The following AGBL1 variants were observed in gnomAD, a reference collection of about 807,000 sequenced individuals.
AGBL1 encodes cytosolic carboxypeptidase 4.
AGBL1 carries 130 observed loss-of-function variants against 118.9 expected under a neutral mutation model. The ratio of observed to expected loss-of-function variants is 1.09; its 90% CI spans 0.95 to 1.26. AGBL1 has a LOEUF of 1.26. AGBL1 is among the 50% of genes most tolerant of loss of function. AGBL1 has a pLI of 0.00. For missense variants in AGBL1, 1,584 were observed against 1,298.1 expected (o/e 1.22, Z -3.38); for synonymous variants, 555 against 478.9 (o/e 1.16, Z -2.08).
chr15:86,618,715 T>G (rs8036000), intron 21 of AGBL1, among the ~76,000 whole-genome samples: 2,560 of 152,254 alleles, frequency 0.017, 66 homozygotes, highest in African/African-American at 0.049. Context: ...TAGACTCCCA[T>G]CCTTACTGCA....
chr15:87,006,655 C>G (rs943948984), intron 24 of AGBL1, among the ~76,000 whole-genome samples: 2 of 152,170 alleles, frequency 1.3e-5, no homozygotes, highest in African/African-American at 4.8e-5. Flanking sequence ...GAGGCAATGC[C>G]TCACCCTGCT....
Position 86,262,766 on chromosome 15 carries a change from A to G in AGBL1, c.970-12A>G, listed in dbSNP as rs1252993857. The G allele has an allele frequency of 6.4e-7, 1 of 1,554,968 alleles. No individual in the cohort carries two copies. The highest frequency in any genetic ancestry group is 8.8e-7 in the Non-Finnish European group (1 of 1,133,412). ...CCTGACTGTAATCTCTTCTATGACT[A>G]TTCCATTTTAGGATGATGACTTGGA... On this transcript the variant is annotated splice_polypyrimidine_tract_variant and intron_variant, in intron 9 of 22. Transcript: ENST00000614907.
intron 1 of AGBL1, chr15:86,088,174 A>G (rs1306025472): frequency 1.3e-5 from 2 of 152,294 alleles, no homozygotes; most frequent in Admixed American, 1.3e-4. Context: ...CCCACAGGCC[A>G]TAGTTTGTTA....
chr15:86,921,029 T>C (rs1314968156), downstream of AGBL1, among the ~76,000 whole-genome samples: 1 of 152,288 alleles, frequency 6.6e-6, no homozygotes, highest in Non-Finnish European at 1.5e-5. Flanking sequence ...CACTTAGACC[T>C]GACCTCCCCA....
chr15:86,957,968 A>C (rs1246717409), intron 23 of AGBL1, among the ~76,000 whole-genome samples: 13 of 152,080 alleles, frequency 8.5e-5, no homozygotes, highest in Admixed American at 5.2e-4. Flanking sequence ...TTTAGAGGCC[A>C]AGGCAGAAGG....
intron 23 of AGBL1, among the ~76,000 whole-genome samples, chr15:86,983,943 G>C (rs1254419990): frequency 1.3e-5 from 2 of 152,132 alleles, no homozygotes; most frequent in Non-Finnish European, 2.9e-5. Context: ...TCTGTTGCTG[G>C]ACAATTAAGG....
intron 23 of AGBL1, among the ~76,000 whole-genome samples, chr15:86,967,007 T>C (rs144954818): frequency 7.8e-4 from 119 of 152,282 alleles, no homozygotes; most frequent in African/African-American, 2.7e-3. Flanking sequence ...GACTTTTTGA[T>C]GATGGCCATT....
chr15:86,676,905 A>T (rs1304642771), intron 22 of AGBL1, among the ~76,000 whole-genome samples: 1 of 152,154 alleles, frequency 6.6e-6, no homozygotes, highest in East Asian at 1.9e-4. Context: ...GTTCAAGACC[A>T]GCCTGACCAA....
chr15:86,885,033 C>T (rs578126444), intron 22 of AGBL1, among the ~76,000 whole-genome samples: 1 of 152,194 alleles, frequency 6.6e-6, no homozygotes, highest in East Asian at 1.9e-4. Flanking sequence ...ATCTATTTTA[C>T]AATGCTATTT....
At chr15:86,678,654 G>A (rs978343494) in intron 22 of AGBL1, among the ~76,000 whole-genome samples, 18 of 151,988 alleles carry the variant, frequency 1.2e-4, no homozygotes, top group African/African-American at 4.3e-4. Flanking sequence ...AAGTAATTAT[G>A]TTTATCAATT....
At chr15:86,552,666 G>A (rs2083680208) in intron 20 of AGBL1, among the ~76,000 whole-genome samples, 1 of 152,094 alleles carries the variant, frequency 6.6e-6, no homozygotes, top group African/African-American at 2.4e-5. Context: ...AGGCTTCTGG[G>A]GAGATAGAAA....
At chr15:86,692,154 G>A (rs1244605457) in intron 22 of AGBL1, among the ~76,000 whole-genome samples, 1 of 151,700 alleles carries the variant, frequency 6.6e-6, no homozygotes, top group African/African-American at 2.4e-5. Context: ...CTCCAGCCTG[G>A]GTGACACAGC....
At chr15:86,468,371 C>G (rs1375069078) in intron 18 of AGBL1, among the ~76,000 whole-genome samples, 2 of 152,148 alleles carry the variant, frequency 1.3e-5, no homozygotes, top group Non-Finnish European at 2.9e-5. Context: ...ATTACTGAGC[C>G]TCCCTAGAGA....
chr15:86,569,805 A>G (rs1472111690), intron 21 of AGBL1, among the ~76,000 whole-genome samples: 3 of 152,230 alleles, frequency 2.0e-5, no homozygotes, highest in Admixed American at 2.0e-4. Context: ...TTAAACGCCC[A>G]TCGTAGAAAA....
intron 22 of AGBL1, among the ~76,000 whole-genome samples, chr15:86,814,476 T>C (rs919421037): frequency 1.3e-5 from 2 of 152,198 alleles, no homozygotes; most frequent in Admixed American, 1.3e-4. Context: ...ACCTCGACTA[T>C]TAATGTGTTA....
chr15:86,275,563 A>G (rs1324499494), intron 15 of AGBL1, among the ~76,000 whole-genome samples: 2 of 152,288 alleles, frequency 1.3e-5, no homozygotes, highest in East Asian at 3.9e-4. Context: ...GCATATTTTT[A>G]AGTACAAATG....
intron 8 of AGBL1, 147 bp downstream of exon 8, chr15:86,257,165 C>T (rs1307568779): frequency 1.0e-6 from 1 of 960,024 alleles, no homozygotes; most frequent in Non-Finnish European, 1.5e-6. Flanking sequence ...TATGAAAAAG[C>T]AGTTTTGATT....
rs201016819 is a variant in AGBL1, at chr15:86,437,002, GT to G, written c.2555+39468del. 1.2e-3 allele frequency among the ~76,000 whole-genome samples: 167 copies of G among 139,864 alleles called. 1 individual carries two copies. Among genetic ancestry groups the G allele is most frequent in the Middle Eastern group, 0.011 (3 of 272 alleles). 91.8% of individuals were successfully genotyped at this position (139,864 alleles called of 152,430 possible). On this transcript the variant is annotated intron_variant, in intron 18 of 22. Coordinates refer to ENST00000614907, the MANE Select transcript of AGBL1 (RefSeq NM_001386094.1). Reference sequence around the variant, plus strand: ...TGCAGACGGATTTGAGCAGGACTTTGTTTTTTTTTTTTGCATCAAATGACTC... The same window carrying G: ...TGCAGACGGATTTGAGCAGGACTTTGTTTTTTTTTTTGCATCAAATGACTC...
intron 18 of AGBL1, among the ~76,000 whole-genome samples, chr15:86,461,905 G>A (rs139982729): frequency 2.6e-5 from 4 of 152,158 alleles, no homozygotes; most frequent in African/African-American, 7.2e-5. Context: ...GGTGGCAATC[G>A]CATCAAGGTG....
Sources: gnomAD v4.1 joint callset for allele counts (sites outside exome capture counted in the v4.1 genomes callset) on GRCh38, gnomAD v4.1.1 for gene constraint, MANE v1.5 for transcripts, NCBI Gene and HGNC (gene_info 2026-07-23, HGNC 2026-07-21) for gene names.